The following GSE1 variants were observed in gnomAD, a reference collection of about 807,000 sequenced individuals.
The protein encoded by GSE1 is genetic suppressor element 1.
GSE1 carries 32 observed loss-of-function variants against 112.6 expected under a neutral mutation model. That is an observed-to-expected ratio of 0.28 (90% CI 0.21 to 0.38). The LOEUF is 0.38. GSE1 is among the 10% of genes least tolerant of loss of function. GSE1 has a pLI of 1.00. For missense variants in GSE1, 2,348 were observed against 1,699.2 expected (o/e 1.38, Z -6.71); for synonymous variants, 1,115 against 735.6 (o/e 1.52, Z -8.35).
Position 85,478,918 on chromosome 16 carries a change from TC to T in GSE1, c.2464+121276del, listed in dbSNP as rs1567520815. On this transcript the variant is annotated intron_variant, in intron 2 of 2. Coordinates refer to the GSE1 transcript ENST00000637419. Reference sequence around the variant, plus strand: ...TTCTTTCTTTCTTTCTTTCTTTCTTTCTTTCTTTCTCTTTCTTTCTTTCTTT... The same window carrying T: ...TTCTTTCTTTCTTTCTTTCTTTCTTTTTTCTTTCTCTTTCTTTCTTTCTTT... Among the ~76,000 whole-genome samples the T allele has an allele frequency of 1.5e-3, 79 of 53,628 alleles. 1 individual carries two copies. The highest frequency in any genetic ancestry group is 1.7e-3 in the Non-Finnish European group (49 of 28,526). The allele number at this position is 53,628 out of a possible 152,430, so 35.2% of individuals were successfully genotyped here. A position where few individuals can be genotyped will look rare whatever the true frequency, so the allele number is the denominator to read the frequency against.
intron 2 of GSE1, among the ~76,000 whole-genome samples, chr16:85,511,635 G>T (rs780820015): frequency 6.6e-6 from 1 of 152,170 alleles, no homozygotes; most frequent in African/African-American, 2.4e-5. Context: ...AGGGGATTAT[G>T]TTAAGGATTT....
At chr16:85,379,893 A>G (rs2047508249) in intron 2 of GSE1, among the ~76,000 whole-genome samples, 2 of 152,226 alleles carry the variant, frequency 1.3e-5, no homozygotes, top group Admixed American at 6.5e-5. Context: ...AGACGTAGCC[A>G]TTAGCTGGCC....
At chr16:85,530,831 C>T (rs2044112678) in intron 2 of GSE1, among the ~76,000 whole-genome samples, 1 of 152,230 alleles carries the variant, frequency 6.6e-6, no homozygotes, top group Non-Finnish European at 1.5e-5. Flanking sequence ...TGACTGAGAC[C>T]AGGGGAAACC....
chr16:85,477,734 G>A (rs1205788999), intron 2 of GSE1, among the ~76,000 whole-genome samples: 1 of 151,712 alleles, frequency 6.6e-6, no homozygotes, highest in Non-Finnish European at 1.5e-5. Flanking sequence ...CTAATTTTTT[G>A]TATTTTTAGT....
At chr16:85,212,414 C>A (rs1369656088) in intron 1 of GSE1, among the ~76,000 whole-genome samples, 1 of 151,484 alleles carries the variant, frequency 6.6e-6, no homozygotes, top group African/African-American at 2.4e-5. Flanking sequence ...TCAAAAAAAA[C>A]AAAACAAAAA....
intron 2 of GSE1, among the ~76,000 whole-genome samples, chr16:85,422,364 C>T (rs1010496531): frequency 4.7e-5 from 6 of 127,430 alleles, no homozygotes; most frequent in South Asian, 3.1e-4. Context: ...AGGAGCTGGG[C>T]GGGGCGGGGG....
At chr16:85,350,522 G>A (rs1198655774) in intron 1 of GSE1, among the ~76,000 whole-genome samples, 3 of 152,256 alleles carry the variant, frequency 2.0e-5, no homozygotes, top group East Asian at 3.9e-4. Context: ...CAGCAGCCAG[G>A]GTGTGAGGGA....
At chr16:85,670,839 AG>A (rs1464002236) in intron 14 of GSE1, 155 bp from the exon 15 acceptor site, 1 of 565,906 alleles carries the variant, frequency 1.8e-6, no homozygotes, top group Non-Finnish European at 3.2e-6. Flanking sequence ...TACAATTCAA[AG>A]GGCTGGGAGC....
rs139833220 is a variant in GSE1, at chr16:85,623,428, CTG to C, written c.7+10031_7+10032del. Reference sequence around the variant, plus strand: ...TCTCTCCATGGTACTGACAGGGAAACTGAGGCTCAGGCCATGCGGTGCCCTGG... The same window carrying C: ...TCTCTCCATGGTACTGACAGGGAAACAGGCTCAGGCCATGCGGTGCCCTGG... On this transcript the variant is annotated intron_variant, in intron 1 of 15. Coordinates refer to ENST00000253458, the MANE Select transcript of GSE1 (RefSeq NM_014615.5). Among the ~76,000 whole-genome samples, 906 of 152,314 alleles carry C rather than the reference CTG, an allele frequency of 5.9e-3. 4 individuals carry two copies. The highest frequency in any genetic ancestry group is 0.021 in the African/African-American group (854 of 41,564).
chr16:85,210,315 T>C (rs1255172470), intron 1 of GSE1, among the ~76,000 whole-genome samples: 1 of 152,194 alleles, frequency 6.6e-6, no homozygotes, highest in Admixed American at 6.5e-5. Flanking sequence ...AATCCAAATG[T>C]CCACAGTAAG....
chr16:85,555,538 TATTA>T, upstream of GSE1: 1 of 982,790 alleles, frequency 1.0e-6, no homozygotes, highest in Non-Finnish European at 1.2e-6. Flanking sequence ...GCTGTTTGGG[TATTA>T]ATTTTCTCCT....
At chr16:85,174,840 AG>A (rs1316011799) in intron 1 of GSE1, among the ~76,000 whole-genome samples, 1 of 152,154 alleles carries the variant, frequency 6.6e-6, no homozygotes, top group Non-Finnish European at 1.5e-5. Flanking sequence ...GGAGGGAGAG[AG>A]GGTGGAGGGG....
intron 2 of GSE1, among the ~76,000 whole-genome samples, chr16:85,639,238 C>A (rs2050246326): frequency 6.6e-6 from 1 of 152,212 alleles, no homozygotes; most frequent in South Asian, 2.1e-4. Context: ...GGGCCAGCTC[C>A]CGCTGTAGCC....
At chr16:85,313,539 C>T (rs2045909739) in intron 1 of GSE1, among the ~76,000 whole-genome samples, 1 of 152,182 alleles carries the variant, frequency 6.6e-6, no homozygotes, top group Non-Finnish European at 1.5e-5. Flanking sequence ...CCCCCTGATC[C>T]CCTTCCTGCC....
At position 85,257,216 on chromosome 16, in the gene GSE1, C is replaced by T. The variant is rs138224646; in HGVS notation, c.2283+85409C>T. On this transcript the variant is annotated intron_variant, in intron 1 of 2. Transcript: ENST00000637419. ...CTCCACCTCCTGGGTTCAAGCGATTCGCCTGCTTCATCCTCCCGAATAGCT... is the reference window on the plus strand; with the variant it reads ...CTCCACCTCCTGGGTTCAAGCGATTTGCCTGCTTCATCCTCCCGAATAGCT... 9.9e-3 allele frequency among the ~76,000 whole-genome samples: 1,502 copies of T among 152,286 alleles called. 10 individuals are homozygous for T. The highest frequency in any genetic ancestry group is 0.015 in the Non-Finnish European group (995 of 68,020).
At chr16:85,553,115 T>C (rs2045006401), upstream of GSE1, among the ~76,000 whole-genome samples, 1 of 151,670 alleles carries the variant, frequency 6.6e-6, no homozygotes, top group African/African-American at 2.4e-5. Context: ...GGGTGGGCGG[T>C]CTAACCCGCG....
chr16:85,188,884 A>G (rs900896442), intron 1 of GSE1, among the ~76,000 whole-genome samples: 12 of 152,032 alleles, frequency 7.9e-5, no homozygotes, highest in African/African-American at 2.9e-4. Flanking sequence ...CTGTTCTTAC[A>G]TTCACCTTTC....
intron 2 of GSE1, among the ~76,000 whole-genome samples, chr16:85,493,580 C>T (rs1321741910): frequency 1.3e-5 from 2 of 151,924 alleles, no homozygotes; most frequent in East Asian, 3.9e-4. Context: ...ATGGAGAAAC[C>T]CCGTCTCTAC....
chr16:85,531,608 G>GC (rs1337196805), intron 2 of GSE1, among the ~76,000 whole-genome samples: 2 of 152,172 alleles, frequency 1.3e-5, no homozygotes, highest in Admixed American at 6.5e-5. Flanking sequence ...GCTTCTGCCT[G>GC]CCCCCCTTCC....
Sources: allele counts gnomAD v4.1 joint callset (sites outside exome capture counted in the v4.1 genomes callset), GRCh38; gene constraint gnomAD v4.1.1; transcripts MANE v1.5; gene names NCBI Gene and HGNC (gene_info 2026-07-23, HGNC 2026-07-21).